Variants in ITGA8 observed in about 807,000 individuals in gnomAD.
ITGA8 encodes integrin alpha-8.
Under a neutral mutation model 142.3 loss-of-function variants are expected in ITGA8, and 91 were observed. The observed-to-expected ratio is 0.64, with a 90% CI of 0.54 to 0.76. The LOEUF is 0.76. Ranked by LOEUF, ITGA8 falls within the 30% of genes least tolerant of loss-of-function variation. The pLI is 0.00. For synonymous variants in ITGA8, 505 were observed against 485.2 expected (o/e 1.04, Z -0.54); for missense variants, 1,406 against 1,327.7 (o/e 1.06, Z -0.92).
chr10:15,678,212 G>C (rs933931054), intron 5 of ITGA8, among the ~76,000 whole-genome samples: 1 of 150,030 alleles, frequency 6.7e-6, no homozygotes, highest in Non-Finnish European at 1.5e-5. Context: ...AATGATAAAA[G>C]ACAGTAAACA....
chr10:15,643,393 C>A (rs1261757972), intron 13 of ITGA8, among the ~76,000 whole-genome samples: 1 of 152,124 alleles, frequency 6.6e-6, no homozygotes, highest in African/African-American at 2.4e-5. Context: ...GATTCTTGTG[C>A]CTCAGCCTCT....
Position 15,581,260 on chromosome 10 carries a change from A to G in ITGA8, c.2372+5324T>C, listed in dbSNP as rs185599580. Among the ~76,000 whole-genome samples, 68 of 152,340 alleles carry G rather than the reference A, an allele frequency of 4.5e-4. No homozygotes were observed. The East Asian group carries it at 0.01, about 23-fold the overall frequency. ...TGCCTATGTCATAGAACCCCAGTAA[A>G]AACTCTGACCACTGAGGCTTGGGTG... On this transcript the variant is annotated intron_variant, in intron 23 of 29. Transcript: ENST00000378076.
At chr10:15,588,251 G>A (rs1430436663) in intron 22 of ITGA8, among the ~76,000 whole-genome samples, 1 of 152,156 alleles carries the variant, frequency 6.6e-6, no homozygotes, top group Non-Finnish European at 1.5e-5. Flanking sequence ...CTTTTGAAAA[G>A]TCCTGGCCGA....
intron 13 of ITGA8, among the ~76,000 whole-genome samples, chr10:15,641,820 G>A (rs1833876770): frequency 6.6e-6 from 1 of 152,154 alleles, no homozygotes; most frequent in African/African-American, 2.4e-5. Context: ...CTGATTAAGG[G>A]AAGAAAAAGA....
At chr10:15,680,441 T>G (rs542409622) in intron 4 of ITGA8, among the ~76,000 whole-genome samples, 135 of 152,038 alleles carry the variant, frequency 8.9e-4, no homozygotes, top group Non-Finnish European at 1.0e-3. Context: ...ATTTCATGAT[T>G]TATGGTCATG....
intron 2 of ITGA8, among the ~76,000 whole-genome samples, chr10:15,690,978 TA>T (rs1834923057): frequency 2.6e-5 from 4 of 152,012 alleles, no homozygotes; most frequent in Non-Finnish European, 5.9e-5. Context: ...CTAAAATACA[TA>T]AGGAACTCAA....
At chr10:15,523,374 A>G (rs1292839884) in intron 28 of ITGA8, among the ~76,000 whole-genome samples, 1 of 152,208 alleles carries the variant, frequency 6.6e-6, no homozygotes, top group African/African-American at 2.4e-5. Context: ...TGATGAGGAT[A>G]TGATTCTTAG....
chr10:15,715,941 G>A (rs191842148), intron 2 of ITGA8, among the ~76,000 whole-genome samples: 14 of 152,308 alleles, frequency 9.2e-5, no homozygotes, highest in Admixed American at 9.2e-4. Context: ...CTGTGACCCT[G>A]TGGATTCCTT....
chr10:15,577,911 ATG>A (rs975958559), intron 23 of ITGA8, among the ~76,000 whole-genome samples: 8 of 152,196 alleles, frequency 5.3e-5, no homozygotes, highest in Non-Finnish European at 5.9e-5. Context: ...AACAATAAAC[ATG>A]AGAAATGAAT....
In ITGA8 at chr10:15,527,433, T is replaced by G. The variant is rs936546947; in HGVS notation, c.2982+3617A>C. On this transcript the variant is annotated intron_variant, in intron 28 of 29. Transcript: ENST00000378076. ...AGATGTAAATTATAGAATTGAGTGT[T>G]ACTTGTATGGCATGCAAAGGCGAAA... Among the ~76,000 whole-genome samples, 12 of 152,366 alleles carry G rather than the reference T, an allele frequency of 7.9e-5. 1 individual carries two copies. In the South Asian group the frequency reaches 1.4e-3, roughly 18 times the overall value.
intron 11 of ITGA8, among the ~76,000 whole-genome samples, chr10:15,653,487 C>T (rs957025551): frequency 2.6e-5 from 4 of 152,200 alleles, no homozygotes; most frequent in African/African-American, 7.2e-5. Context: ...AATCAATAAG[C>T]CTACATTCAT....
intron 23 of ITGA8, among the ~76,000 whole-genome samples, chr10:15,580,918 A>G (rs1480573366): frequency 6.6e-6 from 1 of 152,224 alleles, no homozygotes; most frequent in African/African-American, 2.4e-5. Flanking sequence ...TGGTGGTTCT[A>G]GTCTATGCAA....
intron 26 of ITGA8, among the ~76,000 whole-genome samples, chr10:15,549,203 T>TTTTTTTTTTTTTTTTTTTTTTTTTTTTTG: frequency 1.4e-4 from 1 of 7,032 alleles, no homozygotes; most frequent in African/African-American, 3.3e-4. Flanking sequence ...TCTTTTCTGT[T>TTTTTTTTTTTTTTTTTTTTTTTTTTTTTG]TTTTTTTTTT....
chr10:15,590,142 T>C (rs1377649675), intron 22 of ITGA8, among the ~76,000 whole-genome samples: 1 of 152,256 alleles, frequency 6.6e-6, no homozygotes, highest in Non-Finnish European at 1.5e-5. Flanking sequence ...CAGTTCTTTC[T>C]GCATTTCTGC....
intron 2 of ITGA8, among the ~76,000 whole-genome samples, chr10:15,697,206 G>A (rs1287760688): frequency 6.6e-6 from 1 of 152,126 alleles, no homozygotes; most frequent in Non-Finnish European, 1.5e-5. Flanking sequence ...CATATGATTT[G>A]TATGCACTGA....
At chr10:15,581,993 C>T (rs1451385150) in intron 23 of ITGA8, among the ~76,000 whole-genome samples, 1 of 152,170 alleles carries the variant, frequency 6.6e-6, no homozygotes. Context: ...AATCCTAGCA[C>T]TTTGGGAGGG....
At chr10:15,592,060 T>C (rs1447124002) in intron 22 of ITGA8, among the ~76,000 whole-genome samples, 165 bp downstream of exon 22, 1 of 152,158 alleles carries the variant, frequency 6.6e-6, no homozygotes, top group East Asian at 1.9e-4. Flanking sequence ...AATGTTGAAA[T>C]TACTGAAACA....
rs549445703 is a variant in ITGA8, at chr10:15,705,689, C to T, written c.343+13077G>A. ...ACACTTACTCTCTCCCATTGGCTAT[C>T]TCCCATTCTCTCTTGACACACTCCA... On this transcript the variant is annotated intron_variant, in intron 2 of 29. Transcript: ENST00000378076. 3.3e-4 allele frequency among the ~76,000 whole-genome samples: 50 copies of T among 152,326 alleles called. No homozygotes were observed. The South Asian group carries it at 6.4e-3, about 20-fold the overall frequency.
Position 15,646,884 on chromosome 10 carries a change from A to G in ITGA8, c.1169T>C (p.Met390Thr). The change falls in exon 12 of 30, where the codon ATG (methionine) becomes ACG (threonine). Residue 390 changes from methionine to threonine, a missense_variant. By Grantham distance (81) the Met-to-Thr change is moderately conservative (BLOSUM62 -1). Transcript: ENST00000378076. ...TTGGTTCAGGTCTCCTAAGTGTGCC[A>G]TAGCACTACCGAATCTCCCAAACGT... ...TETFGRFGSA[M>T]AHLGDLNQDG... 3 of 1,614,014 alleles carry G rather than the reference A, an allele frequency of 1.9e-6. No homozygotes were observed. The highest frequency in any genetic ancestry group is 2.5e-6 in the Non-Finnish European group (3 of 1,180,008).
Sources: allele counts gnomAD v4.1 joint callset (sites outside exome capture counted in the v4.1 genomes callset), GRCh38; gene constraint gnomAD v4.1.1; transcripts MANE v1.5; gene names NCBI Gene and HGNC (gene_info 2026-07-23, HGNC 2026-07-21).